Variants in CADM2 observed in about 807,000 individuals in gnomAD.
The protein encoded by CADM2 is immunoglobulin superfamily member 4D.
CADM2 carries 12 observed loss-of-function variants against 49.8 expected under a neutral mutation model. The observed-to-expected ratio is 0.24, with a 90% CI of 0.15 to 0.39. The LOEUF (loss-of-function observed/expected upper bound fraction) is 0.39. Among genes scored for constraint, CADM2 ranks in the 10% least tolerant of loss-of-function variants. The pLI, the probability that CADM2 is intolerant of heterozygous loss-of-function variation, is 1.00. For synonymous variants in CADM2, 214 were observed against 175.4 expected (o/e 1.22, Z -1.74); for missense variants, 378 against 492.3 (o/e 0.77, Z 2.20).
At chr3:85,681,252 C>T (rs956415305) in intron 1 of CADM2, among the ~76,000 whole-genome samples, 6 of 152,154 alleles carry the variant, frequency 3.9e-5, no homozygotes, top group South Asian at 4.1e-4. Context: ...CATGAGATGA[C>T]GTTACCATAT....
chr3:85,359,907 C>A (rs192830949), intron 1 of CADM2, among the ~76,000 whole-genome samples: 36 of 151,036 alleles, frequency 2.4e-4, no homozygotes, highest in African/African-American at 8.2e-4. Flanking sequence ...TTCTATCAGG[C>A]AGATTATCAA....
chr3:85,959,184 G>A (rs1282086139), intron 7 of CADM2, among the ~76,000 whole-genome samples: 1 of 126,462 alleles, frequency 7.9e-6, no homozygotes, highest in Non-Finnish European at 1.7e-5. Flanking sequence ...GTCTCACAAA[G>A]GCAACTGATG....
At chr3:86,011,530 T>A (rs968087678) in intron 8 of CADM2, among the ~76,000 whole-genome samples, 3 of 151,970 alleles carry the variant, frequency 2.0e-5, no homozygotes, top group African/African-American at 7.3e-5. Context: ...CCTATTAAAA[T>A]TGGTGGAATT....
chr3:85,212,581 T>C (rs1309256142), intron 1 of CADM2, among the ~76,000 whole-genome samples: 1 of 152,166 alleles, frequency 6.6e-6, no homozygotes, highest in Non-Finnish European at 1.5e-5. Flanking sequence ...ATAAAAATTC[T>C]ACAATTTAAC....
intron 1 of CADM2, among the ~76,000 whole-genome samples, chr3:84,963,873 T>C (rs2030760495): frequency 6.6e-6 from 1 of 151,914 alleles, no homozygotes; most frequent in South Asian, 2.1e-4. Flanking sequence ...CCAAATGCAG[T>C]TCTTGAAATA....
intron 6 of CADM2, among the ~76,000 whole-genome samples, chr3:85,932,655 G>A (rs938650508): frequency 6.6e-6 from 1 of 151,926 alleles, no homozygotes; most frequent in Admixed American, 6.6e-5. Context: ...ATGAAACATA[G>A]GTATTTGTCA....
intron 1 of CADM2, among the ~76,000 whole-genome samples, chr3:85,284,052 A>T (rs1280011839): frequency 6.6e-6 from 1 of 152,182 alleles, no homozygotes. Flanking sequence ...ATTGAACTTT[A>T]TAGACTAAGA....
chr3:85,321,476 C>A (rs2044611595), intron 1 of CADM2, among the ~76,000 whole-genome samples: 1 of 151,822 alleles, frequency 6.6e-6, no homozygotes, highest in Non-Finnish European at 1.5e-5. Context: ...TGAGCCACTG[C>A]ACCCAAACAC....
At chr3:85,939,474 C>CACACACACACAT (rs1333277915) in intron 7 of CADM2, among the ~76,000 whole-genome samples, 1 of 150,290 alleles carries the variant, frequency 6.7e-6, no homozygotes, top group African/African-American at 2.5e-5. Flanking sequence ...CGAAAACACA[C>CACACACACACAT]ACACACACAC....
intron 8 of CADM2, among the ~76,000 whole-genome samples, chr3:86,034,392 A>T (rs930368802): frequency 6.6e-5 from 10 of 151,972 alleles, no homozygotes; most frequent in African/African-American, 2.2e-4. Context: ...TAAAGGGCTA[A>T]ATATAAGTTC....
intron 8 of CADM2, among the ~76,000 whole-genome samples, chr3:85,990,013 C>CAAAAA (rs58178176): frequency 0.01 from 101 of 9,650 alleles, 6 homozygotes; most frequent in African/African-American, 0.019. Flanking sequence ...ACTCCATGTC[C>CAAAAA]AAAAAAAAAA....
At chr3:85,703,748 A>G (rs769614550) in intron 1 of CADM2, among the ~76,000 whole-genome samples, 4 of 152,278 alleles carry the variant, frequency 2.6e-5, no homozygotes, top group Admixed American at 6.5e-5. Context: ...AAATTGAGGA[A>G]TGAGACGGAA....
At chr3:85,316,017 A>G (rs1461751033) in intron 1 of CADM2, among the ~76,000 whole-genome samples, 1 of 152,164 alleles carries the variant, frequency 6.6e-6, no homozygotes. Context: ...TTCAGAAATA[A>G]ATTACATGAC....
At chr3:85,686,067 C>T (rs1022964353) in intron 1 of CADM2, among the ~76,000 whole-genome samples, 1 of 152,192 alleles carries the variant, frequency 6.6e-6, no homozygotes, top group Non-Finnish European at 1.5e-5. Flanking sequence ...TTGTTCTATC[C>T]ATGTTAACAC....
chr3:85,479,044 A>C (rs1344975071), intron 1 of CADM2, among the ~76,000 whole-genome samples: 1 of 151,774 alleles, frequency 6.6e-6, no homozygotes, highest in African/African-American at 2.4e-5. Flanking sequence ...CCTGGGCTCA[A>C]GGGATCCTCC....
intron 1 of CADM2, among the ~76,000 whole-genome samples, chr3:85,141,870 G>T (rs1575966321): frequency 6.6e-6 from 1 of 152,266 alleles, no homozygotes; most frequent in East Asian, 1.9e-4. Context: ...TGCACCCCAA[G>T]ATCTCAGTGA....
At chr3:85,548,238 T>G (rs1237475769) in intron 1 of CADM2, among the ~76,000 whole-genome samples, 1 of 150,500 alleles carries the variant, frequency 6.6e-6, no homozygotes, top group Non-Finnish European at 1.5e-5. Context: ...TTATTTGGAG[T>G]TTGCTTGGAA....
chr3:85,120,199 G>A (rs970337239), intron 1 of CADM2, among the ~76,000 whole-genome samples: 2 of 152,288 alleles, frequency 1.3e-5, no homozygotes, highest in South Asian at 4.1e-4. Flanking sequence ...ATGCTGGAGA[G>A]GATGTGGAGA....
At chr3:85,031,235 A>T (rs1381579715) in intron 1 of CADM2, among the ~76,000 whole-genome samples, 1 of 152,190 alleles carries the variant, frequency 6.6e-6, no homozygotes, top group Non-Finnish European at 1.5e-5. Context: ...GAGCATCTGC[A>T]CTGATTTAAC....
Sources: allele counts gnomAD v4.1 joint callset (sites outside exome capture counted in the v4.1 genomes callset), GRCh38; gene constraint gnomAD v4.1.1; transcripts MANE v1.5; gene names NCBI Gene and HGNC (gene_info 2026-07-23, HGNC 2026-07-21).